Variants in TRIO observed in about 807,000 individuals in gnomAD.
The protein encoded by TRIO is triple functional domain protein.
Under a neutral mutation model 351.9 loss-of-function variants are expected in TRIO, and 58 were observed. That is an observed-to-expected ratio of 0.16 (90% CI 0.13 to 0.21). The LOEUF (loss-of-function observed/expected upper bound fraction) is 0.21, where lower values mean the gene tolerates loss of function less well. TRIO is among the 10% of genes least tolerant of loss of function. The pLI, the probability that TRIO is intolerant of heterozygous loss-of-function variation, is 1.00. For missense variants in TRIO, 3,201 were observed against 4,027.8 expected, an observed-to-expected ratio of 0.79 and a Z score of 5.56; for synonymous variants, 1,758 against 1,595.7, an observed-to-expected ratio of 1.10 and a Z score of -2.42.
At chr5:14,256,884 G>A (rs561020842) in intron 1 of TRIO, among the ~76,000 whole-genome samples, 1 of 152,300 alleles carries the variant, frequency 6.6e-6, no homozygotes, top group African/African-American at 2.4e-5. Context: ...AACTTAGTGT[G>A]GCTTTTCATT....
intron 33 of TRIO, among the ~76,000 whole-genome samples, chr5:14,409,951 A>G (rs1021806917): frequency 3.3e-5 from 5 of 152,044 alleles, no homozygotes; most frequent in African/African-American, 1.2e-4. Flanking sequence ...CCTGCCACGC[A>G]GCAACACTCA....
chr5:14,321,633 T>C (rs1739895660), intron 9 of TRIO, among the ~76,000 whole-genome samples: 1 of 152,228 alleles, frequency 6.6e-6, no homozygotes, highest in Admixed American at 6.5e-5. Context: ...GGAGGGTGGA[T>C]AGCAGGAGTG....
intron 1 of TRIO, among the ~76,000 whole-genome samples, chr5:14,158,763 T>C (rs1398397838): frequency 2.6e-5 from 4 of 152,092 alleles, no homozygotes; most frequent in African/African-American, 4.8e-5. Context: ...CCTAGGAGTT[T>C]GAGGCTGTAG....
At chr5:14,411,813 C>G (rs1469249089) in intron 33 of TRIO, among the ~76,000 whole-genome samples, 1 of 151,792 alleles carries the variant, frequency 6.6e-6, no homozygotes, top group Non-Finnish European at 1.5e-5. Flanking sequence ...AACTGTGTTT[C>G]CCAGGCTGGC....
intron 53 of TRIO, 106 bp from the exon 54 acceptor site, chr5:14,502,471 GCC>G: frequency 2.0e-6 from 2 of 995,558 alleles, no homozygotes; most frequent in East Asian, 4.9e-5. Context: ...TGTGGCAGGT[GCC>G]CGGTGGCCAC....
chr5:14,144,868 C>T (rs1282697497), intron 1 of TRIO, among the ~76,000 whole-genome samples: 2 of 151,914 alleles, frequency 1.3e-5, no homozygotes, highest in African/African-American at 4.8e-5. Context: ...GTCCGGTCTG[C>T]TCGCGCGTCG....
intron 21 of TRIO, among the ~76,000 whole-genome samples, chr5:14,383,193 G>T (rs981998340): frequency 2.0e-5 from 3 of 152,346 alleles, no homozygotes; most frequent in African/African-American, 2.4e-5. Context: ...GGGCATGGTG[G>T]TGTGTGCGCC....
chr5:14,502,552 C>T, intron 53 of TRIO, 27 bp from the exon 54 acceptor site: 1 of 1,613,098 alleles, frequency 6.2e-7, no homozygotes, highest in Non-Finnish European at 8.5e-7. Context: ...GGGAAACAAG[C>T]TCAGGCAGGT....
At chr5:14,264,896 T>C (rs990704017) in intron 1 of TRIO, among the ~76,000 whole-genome samples, 4 of 152,218 alleles carry the variant, frequency 2.6e-5, no homozygotes, top group Admixed American at 6.5e-5. Context: ...TGTGCAGGCG[T>C]GCGCGCGCGA....
At chr5:14,440,929 C>G (rs1751978745) in intron 34 of TRIO, 1 of 152,204 alleles carries the variant, frequency 6.6e-6, no homozygotes, top group Admixed American at 6.5e-5. Context: ...TTTCCTTGAG[C>G]TCCAATTAGA....
intron 34 of TRIO, among the ~76,000 whole-genome samples, chr5:14,448,107 A>G (rs1309827085): frequency 6.6e-6 from 1 of 152,242 alleles, no homozygotes; most frequent in Non-Finnish European, 1.5e-5. Flanking sequence ...TCTCATACGC[A>G]TGCTGAATTT....
At chr5:14,260,209 G>T (rs970081809) in intron 1 of TRIO, among the ~76,000 whole-genome samples, 1 of 152,132 alleles carries the variant, frequency 6.6e-6, no homozygotes, top group Admixed American at 6.5e-5. Flanking sequence ...TAGTGTCAGC[G>T]ATAGATACAG....
In TRIO at chr5:14,504,437, A is replaced by G. The variant is rs1579855752; in HGVS notation, c.8456A>G (p.Lys2819Arg). Residue 2819 changes from lysine (K) to arginine (R), a missense_variant, in exon 55 of 57, where the codon AAG becomes AGG. By Grantham distance (26) the Lys-to-Arg change is conservative (BLOSUM62 2). Coordinates refer to ENST00000344204, the MANE Select transcript of TRIO (RefSeq NM_007118.4). Reference sequence around the variant, plus strand: ...AAGAAATGTGATCAGAAAGGAACCAAGCGAGCAGTGGCCACTAAGTTTGTG... The same window carrying G: ...AAGAAATGTGATCAGAAAGGAACCAGGCGAGCAGTGGCCACTAAGTTTGTG... ...VVKKCDQKGT[K>R]RAVATKFVNK... 6.2e-7 allele frequency: 1 copy of G among 1,614,218 alleles called. No individual in the cohort carries two copies. The highest frequency in any genetic ancestry group is 8.5e-7 in the Non-Finnish European group (1 of 1,180,032).
At chr5:14,319,145 A>G (rs1157510317) in intron 9 of TRIO, among the ~76,000 whole-genome samples, 1 of 152,240 alleles carries the variant, frequency 6.6e-6, no homozygotes, top group Admixed American at 6.5e-5. Context: ...CCTCTCAAAC[A>G]GCATATTGGC....
At chr5:14,249,284 G>A (rs141766657) in intron 1 of TRIO, among the ~76,000 whole-genome samples, 256 of 152,326 alleles carry the variant, frequency 1.7e-3, no homozygotes, top group Admixed American at 4.0e-3. Context: ...AAATTCTGTG[G>A]TGCGGGAGAT....
intron 34 of TRIO, among the ~76,000 whole-genome samples, chr5:14,455,609 C>A (rs936268180): frequency 1.3e-5 from 2 of 152,114 alleles, no homozygotes; most frequent in African/African-American, 4.8e-5. Context: ...CATTTACAAA[C>A]CTTGAGCTAG....
chr5:14,372,991 A>C (rs1313418459), intron 18 of TRIO, among the ~76,000 whole-genome samples: 1 of 152,192 alleles, frequency 6.6e-6, no homozygotes, highest in Non-Finnish European at 1.5e-5. Context: ...CAGTCACTGC[A>C]GAAGGGGAAG....
At chr5:14,353,299 A>C (rs1235313706) in intron 11 of TRIO, among the ~76,000 whole-genome samples, 3 of 129,854 alleles carry the variant, frequency 2.3e-5, no homozygotes, top group African/African-American at 9.0e-5. Flanking sequence ...TTTGAGACTG[A>C]GTCGCCCAGG....
intron 34 of TRIO, among the ~76,000 whole-genome samples, chr5:14,456,700 T>G (rs912542056): frequency 6.6e-6 from 1 of 152,186 alleles, no homozygotes; most frequent in African/African-American, 2.4e-5. Flanking sequence ...ATTCTAGAGC[T>G]CTGTGTTTAT....
Sources: gnomAD v4.1 joint callset for allele counts (sites outside exome capture counted in the v4.1 genomes callset) on GRCh38, gnomAD v4.1.1 for gene constraint, MANE v1.5 for transcripts, NCBI Gene and HGNC (gene_info 2026-07-23, HGNC 2026-07-21) for gene names.